Variants in DACH2 observed in about 807,000 individuals in gnomAD.
DACH2 encodes the protein dachshund family transcription factor 2.
DACH2 carries 17 observed loss-of-function variants against 35.8 expected under a neutral mutation model. That is an observed-to-expected ratio of 0.48 (90% CI 0.33 to 0.71). DACH2 has a LOEUF of 0.71. DACH2 is among the 30% of genes least tolerant of loss of function. DACH2 has a pLI of 0.02. For missense variants in DACH2, 469 were observed against 472.7 expected (o/e 0.99, Z 0.07); for synonymous variants, 195 against 177.3 (o/e 1.10, Z -0.79).
chrX:86,758,325 A>C (rs769062472), intron 7 of DACH2, among the ~76,000 whole-genome samples: 1 of 111,168 alleles, frequency 9.0e-6, no homozygotes, highest in South Asian at 3.7e-4. Flanking sequence ...TTAATTGTTT[A>C]TTTGAAATCT....
chrX:86,730,146 T>C (rs749306723), intron 6 of DACH2, among the ~76,000 whole-genome samples: 1 of 111,405 alleles, frequency 9.0e-6, no homozygotes, highest in Non-Finnish European at 1.9e-5. Context: ...CTGATGATCA[T>C]AACACTTTGA....
At chrX:86,638,381 G>A (rs1315056920) in intron 3 of DACH2, among the ~76,000 whole-genome samples, 1 of 111,821 alleles carries the variant, frequency 8.9e-6, no homozygotes, top group Non-Finnish European at 1.9e-5. Context: ...GTCCTCAAAA[G>A]CACAAACAAC....
intron 5 of DACH2, among the ~76,000 whole-genome samples, chrX:86,700,023 A>G (rs190998806): frequency 9.2e-4 from 103 of 111,759 alleles, no homozygotes; most frequent in African/African-American, 3.2e-3. Context: ...ATTTTTTAGT[A>G]TTGATTTCTG....
intron 2 of DACH2, among the ~76,000 whole-genome samples, chrX:86,485,854 T>C (rs1352478401): frequency 8.9e-6 from 1 of 111,938 alleles, no homozygotes; most frequent in East Asian, 2.8e-4. Context: ...ACTTTTTTAC[T>C]TGAATGTGTT....
chrX:86,492,901 G>T (rs958269434), intron 2 of DACH2, among the ~76,000 whole-genome samples: 4 of 111,820 alleles, frequency 3.6e-5, no homozygotes, highest in African/African-American at 1.3e-4. Flanking sequence ...TGTGAATGGT[G>T]CTGTGAGGAA....
intron 3 of DACH2, among the ~76,000 whole-genome samples, chrX:86,546,503 C>CT (rs35560036): frequency 0.057 from 3,950 of 69,707 alleles, 541 homozygotes; most frequent in African/African-American, 0.21. Context: ...CTTCTTCTTT[C>CT]TTTTTTTTTT....
At chrX:86,728,710 G>A (rs2041498552) in intron 6 of DACH2, among the ~76,000 whole-genome samples, 1 of 112,526 alleles carries the variant, frequency 8.9e-6, no homozygotes, top group Non-Finnish European at 1.9e-5. Context: ...TCAGCTCAGA[G>A]GACCCCAGAT....
intron 1 of DACH2, among the ~76,000 whole-genome samples, chrX:86,175,120 T>C (rs1252826489): frequency 9.0e-6 from 1 of 111,721 alleles, no homozygotes; most frequent in Non-Finnish European, 1.9e-5. Flanking sequence ...TTTCAAGGAC[T>C]GAGTCCTGGG....
intron 7 of DACH2, among the ~76,000 whole-genome samples, chrX:86,750,730 T>C (rs1182836786): frequency 8.9e-6 from 1 of 112,150 alleles, no homozygotes; most frequent in Non-Finnish European, 1.9e-5. Context: ...TAGCCAAATG[T>C]CCACCAGGTT....
At position 86,503,650 on chromosome X, in the gene DACH2, T is replaced by A. The variant is rs183335807; in HGVS notation, c.528-10629T>A. Among the ~76,000 whole-genome samples the A allele has an allele frequency of 5.4e-5, 6 of 112,106 alleles. No homozygotes were observed. In the East Asian group the frequency reaches 1.4e-3, roughly 26 times the overall value. ...AAAACATTCCATGGTGAGTCAAAAG[T>A]ACTCATAAGGGAATGTAAAAAAGCA... On this transcript the variant is annotated intron_variant, in intron 2 of 11. Coordinates refer to ENST00000373125, the MANE Select transcript of DACH2 (RefSeq NM_053281.3).
intron 7 of DACH2, among the ~76,000 whole-genome samples, chrX:86,794,283 A>G (rs1308897131): frequency 9.0e-6 from 1 of 110,784 alleles, no homozygotes; most frequent in Admixed American, 9.7e-5. Context: ...ATGCCACAGT[A>G]CTAATGGGAA....
At chrX:86,466,632 G>A (rs1385784115) in intron 2 of DACH2, among the ~76,000 whole-genome samples, 1 of 111,918 alleles carries the variant, frequency 8.9e-6, no homozygotes, top group South Asian at 3.7e-4. Context: ...AAGTAAGCTA[G>A]TTACTTCTTA....
At chrX:86,358,990 T>A (rs1025386327) in intron 1 of DACH2, among the ~76,000 whole-genome samples, 2 of 110,760 alleles carry the variant, frequency 1.8e-5, no homozygotes, top group African/African-American at 6.6e-5. Flanking sequence ...AGCCAGGTTG[T>A]ATAGCCAGTG....
intron 1 of DACH2, among the ~76,000 whole-genome samples, chrX:86,221,565 T>G (rs1178765900): frequency 8.9e-6 from 1 of 112,285 alleles, no homozygotes; most frequent in Non-Finnish European, 1.9e-5. Flanking sequence ...TGGTTCCACA[T>G]GAATTTTAGA....
At chrX:86,456,608 G>T (rs1363163448) in intron 2 of DACH2, among the ~76,000 whole-genome samples, 15 of 111,045 alleles carry the variant, frequency 1.4e-4, no homozygotes, top group African/African-American at 4.6e-4. Context: ...TTATTCATTA[G>T]ATCAAAGTAC....
chrX:86,775,359 G>A (rs1360304784), intron 7 of DACH2, among the ~76,000 whole-genome samples: 1 of 111,337 alleles, frequency 9.0e-6, no homozygotes, highest in Non-Finnish European at 1.9e-5. Context: ...AGACAAGGGA[G>A]CATTACTCCT....
chrX:86,161,464 A>C, intron 1 of DACH2: 1 of 385,420 alleles, frequency 2.6e-6, no homozygotes, highest in Non-Finnish European at 4.3e-6. Context: ...CCCCTAAATA[A>C]CCATCTTCCT....
At chrX:86,318,374 A>C (rs2034953339) in intron 1 of DACH2, among the ~76,000 whole-genome samples, 1 of 111,641 alleles carries the variant, frequency 9.0e-6, no homozygotes, top group African/African-American at 3.2e-5. Context: ...ACCTGCATTT[A>C]AGAGCACCTA....
chrX:86,263,012 G>A, intron 1 of DACH2: 1 of 752,016 alleles, frequency 1.3e-6, no homozygotes, highest in South Asian at 6.8e-5. Context: ...GCAGTGGAAG[G>A]TAAGTACATT....
Sources: allele counts gnomAD v4.1 joint callset (sites outside exome capture counted in the v4.1 genomes callset), GRCh38; gene constraint gnomAD v4.1.1; transcripts MANE v1.5; gene names NCBI Gene and HGNC (gene_info 2026-07-23, HGNC 2026-07-21).